ANKS1B: variants seen among roughly 807,000 people sequenced by gnomAD.
ANKS1B encodes the protein ankyrin repeat and sterile alpha motif domain containing 1B.
A neutral mutation model predicts 148.3 loss-of-function variants in ANKS1B; 36 were observed. The observed-to-expected ratio is 0.24, with a 90% CI of 0.19 to 0.32. ANKS1B has a LOEUF of 0.32. ANKS1B is among the 10% of genes least tolerant of loss of function. The pLI, the probability that ANKS1B is intolerant of heterozygous loss-of-function variation, is 1.00. For synonymous variants in ANKS1B, 542 were observed against 560.8 expected (o/e 0.97, Z 0.47); for missense variants, 1,157 against 1,542.6 (o/e 0.75, Z 4.19).
intron 1 of ANKS1B, among the ~76,000 whole-genome samples, chr12:99,935,884 C>T (rs962157620): frequency 1.2e-5 from 1 of 84,542 alleles, no homozygotes; most frequent in Admixed American, 1.1e-4. Flanking sequence ...AAGGAAATAC[C>T]TGACACTGGA....
intron 16 of ANKS1B, among the ~76,000 whole-genome samples, chr12:99,079,217 T>C (rs778887152): frequency 3.3e-5 from 5 of 152,140 alleles, no homozygotes; most frequent in Non-Finnish European, 5.9e-5. Context: ...TGGGAGATAA[T>C]AAATGTTGTT....
At chr12:99,601,711 C>T (rs2097801563) in intron 9 of ANKS1B, among the ~76,000 whole-genome samples, 1 of 151,966 alleles carries the variant, frequency 6.6e-6, no homozygotes, top group Admixed American at 6.6e-5. Context: ...TTCAGAGACC[C>T]AAGGGACAAC....
chr12:99,705,462 C>G (rs1445760248), intron 8 of ANKS1B, among the ~76,000 whole-genome samples: 1 of 152,114 alleles, frequency 6.6e-6, no homozygotes. Context: ...GTCAAGACTT[C>G]TCCAACTAAA....
chr12:99,655,001 A>T lies in ANKS1B; in HGVS notation c.1272+66T>A, dbSNP rs561186239. 30 of 1,485,188 alleles carry T rather than the reference A, an allele frequency of 2.0e-5. No individual in the cohort carries two copies. In the African/African-American group the frequency reaches 3.9e-4, roughly 19 times the overall value. 92.0% of individuals were successfully genotyped at this position (1,485,188 alleles called of 1,614,324 possible). On this transcript the variant is annotated intron_variant, in intron 9 of 26. Coordinates refer to ENST00000683438, the MANE Select transcript of ANKS1B (RefSeq NM_001352186.2). ...AATTTGATTTTCGAAGGGGAGGGAG[A>T]TTTTATCTTAAAAACATAGGCAACC...
rs2099493158 is a variant in ANKS1B at position 98,848,142 on chromosome 12, T to C, written c.2779-16006A>G. Among the ~76,000 whole-genome samples the C allele has an allele frequency of 3.3e-5, 5 of 152,344 alleles. No homozygotes were observed. The South Asian group carries it at 1.0e-3, about 32-fold the overall frequency. ...TTCATCATAATTTACAAGTCTCTAA[T>C]GAAAACCAAGCAACAAACAATGACT... On this transcript the variant is annotated intron_variant, in intron 17 of 26. Transcript: ENST00000683438.
chr12:99,607,748 C>T (rs1598011201), intron 9 of ANKS1B, among the ~76,000 whole-genome samples: 2 of 152,100 alleles, frequency 1.3e-5, no homozygotes, highest in Admixed American at 1.3e-4. Flanking sequence ...TGATGACAGT[C>T]ATCTCCCTGA....
chr12:99,342,737 T>C (rs988151120), intron 12 of ANKS1B, among the ~76,000 whole-genome samples: 2 of 152,046 alleles, frequency 1.3e-5, no homozygotes, highest in African/African-American at 2.4e-5. Context: ...AGGAGAAAAT[T>C]AGAATGGACC....
Position 99,274,872 on chromosome 12 carries a change from A to G in ANKS1B, c.1757-28008T>C, listed in dbSNP as rs1443464342. On this transcript the variant is annotated intron_variant, in intron 12 of 26. Coordinates refer to ENST00000683438, the MANE Select transcript of ANKS1B (RefSeq NM_001352186.2). ...GTTTGGTGGTTAATGCTGGCTTTCA[A>G]ATGAGACTTTACTTGGGTTGTTAGC... Among the ~76,000 whole-genome samples the G allele has an allele frequency of 3.9e-5, 6 of 152,162 alleles. No individual in the cohort carries two copies. The South Asian group carries it at 1.0e-3, about 26-fold the overall frequency.
chr12:99,888,858 A>T (rs2092955069), intron 1 of ANKS1B, among the ~76,000 whole-genome samples: 1 of 152,082 alleles, frequency 6.6e-6, no homozygotes, highest in Admixed American at 6.6e-5. Flanking sequence ...ATTTGTTTCA[A>T]ATTGTATCTC....
rs977217532 is a variant in ANKS1B, at chr12:98,751,733, A to G, written c.3580-211T>C. On this transcript the variant is annotated intron_variant, in intron 25 of 26. Coordinates refer to ENST00000683438, the MANE Select transcript of ANKS1B (RefSeq NM_001352186.2). This position sits in a 1 kb window ranked among gnomAD's most constrained non-coding sequence, Gnocchi z 4.3. ...GCTTTAGTCATTTGTGAAAAGAAAA[A>G]TCTTGGGACCTCAAATCACTAAGAC... is the stretch of plus-strand genomic sequence containing the variant. Among the ~76,000 whole-genome samples, 1 of 152,208 alleles carries G rather than the reference A, an allele frequency of 6.6e-6. No individual in the cohort carries two copies. Among genetic ancestry groups the G allele is most frequent in the Non-Finnish European group, 1.5e-5 (1 of 68,022 alleles).
chr12:99,688,101 T>C (rs1442457570), intron 8 of ANKS1B, among the ~76,000 whole-genome samples: 1 of 152,208 alleles, frequency 6.6e-6, no homozygotes, highest in Non-Finnish European at 1.5e-5. Flanking sequence ...ATCTTACAAT[T>C]TAGGTCTCTT....
chr12:99,542,456 C>A (rs10777997), intron 9 of ANKS1B, among the ~76,000 whole-genome samples: 1 of 151,728 alleles, frequency 6.6e-6, no homozygotes, highest in African/African-American at 2.4e-5. Context: ...TTAGAAGACA[C>A]AATATTTTTT....
At chr12:99,494,300 T>C (rs1485073360) in intron 10 of ANKS1B, among the ~76,000 whole-genome samples, 1 of 152,040 alleles carries the variant, frequency 6.6e-6, no homozygotes, top group Admixed American at 6.6e-5. Context: ...AAAATGAACA[T>C]ATTGAGAGCA....
At chr12:99,666,594 TTA>T (rs998848253) in intron 8 of ANKS1B, among the ~76,000 whole-genome samples, 30 of 152,262 alleles carry the variant, frequency 2.0e-4, no homozygotes, top group African/African-American at 7.2e-4. Flanking sequence ...AACAATATTT[TTA>T]TAGTCTTCAG....
At chr12:99,973,605 G>A (rs2095588235) in intron 1 of ANKS1B, among the ~76,000 whole-genome samples, 1 of 152,092 alleles carries the variant, frequency 6.6e-6, no homozygotes, top group Non-Finnish European at 1.5e-5. Context: ...AAACATTTGT[G>A]GTTCATGGGA....
intron 1 of ANKS1B, among the ~76,000 whole-genome samples, chr12:99,832,312 G>A (rs941125786): frequency 2.0e-5 from 3 of 152,148 alleles, no homozygotes; most frequent in Non-Finnish European, 4.4e-5. Context: ...AAAGGGTCTG[G>A]AATGGTGGCT....
intron 17 of ANKS1B, among the ~76,000 whole-genome samples, chr12:98,920,423 C>T (rs11109670): frequency 0.2 from 30,168 of 152,108 alleles, 4,015 homozygotes; most frequent in East Asian, 0.37. Context: ...AAGGGTTTAA[C>T]GGACTTACAG....
At chr12:99,214,520 G>C (rs2083852026) in intron 14 of ANKS1B, among the ~76,000 whole-genome samples, 1 of 152,110 alleles carries the variant, frequency 6.6e-6, no homozygotes, top group Non-Finnish European at 1.5e-5. Context: ...ATGCTTTCTT[G>C]CCTGCCATCA....
At chr12:99,862,827 G>A (rs2090208437) in intron 1 of ANKS1B, among the ~76,000 whole-genome samples, 2 of 152,132 alleles carry the variant, frequency 1.3e-5, no homozygotes, top group Admixed American at 1.3e-4. Context: ...CTAGGGAGGG[G>A]TGAAAAGAAG....
Sources: gnomAD v4.1 joint callset for allele counts (sites outside exome capture counted in the v4.1 genomes callset) on GRCh38, gnomAD v4.1.1 for gene constraint, Gnocchi (gnomAD v3.1) non-coding constraint, MANE v1.5 for transcripts, NCBI Gene and HGNC (gene_info 2026-07-23, HGNC 2026-07-21) for gene names.